Variants in MED13L observed in about 807,000 individuals in gnomAD.
MED13L encodes the protein mediator complex subunit 13L.
A neutral mutation model predicts 220.9 loss-of-function variants in MED13L; 7 were observed. That is an observed-to-expected ratio of 0.03 (90% CI 0.02 to 0.06). The LOEUF (loss-of-function observed/expected upper bound fraction) is 0.06, where lower values mean the gene tolerates loss of function less well. Ranked by LOEUF, MED13L falls within the 10% of genes least tolerant of loss-of-function variation. The pLI is 1.00. For synonymous variants in MED13L, 1,011 were observed against 1,015.2 expected, an observed-to-expected ratio of 1.00 and a Z score of 0.08; for missense variants, 1,965 against 2,760.5, an observed-to-expected ratio of 0.71 and a Z score of 6.46.
chr12:115,989,188 G>C (rs1877895639), intron 17 of MED13L, among the ~76,000 whole-genome samples: 1 of 152,164 alleles, frequency 6.6e-6, no homozygotes, highest in South Asian at 2.1e-4. Context: ...GAGTTGTTCA[G>C]AAGCCGGGTT....
intron 2 of MED13L, among the ~76,000 whole-genome samples, chr12:116,218,023 GTTGAA>G (rs1274271188): frequency 6.6e-6 from 1 of 152,094 alleles, no homozygotes; most frequent in Non-Finnish European, 1.5e-5. Context: ...ACACAAGCTC[GTTGAA>G]TTGAATTATA....
At chr12:116,078,608 C>T (rs887986309) in intron 4 of MED13L, among the ~76,000 whole-genome samples, 1 of 152,134 alleles carries the variant, frequency 6.6e-6, no homozygotes, top group African/African-American at 2.4e-5. Context: ...GTAAATAAAG[C>T]TTTATTGGAA....
At chr12:116,180,345 C>A (rs1880432440) in intron 2 of MED13L, among the ~76,000 whole-genome samples, 1 of 152,144 alleles carries the variant, frequency 6.6e-6, no homozygotes, top group African/African-American at 2.4e-5. Context: ...CCACATTTGA[C>A]CTCCTATGAC....
chr12:115,995,700 G>A (rs1379230000), intron 16 of MED13L, among the ~76,000 whole-genome samples: 2 of 152,104 alleles, frequency 1.3e-5, no homozygotes, highest in African/African-American at 2.4e-5. Context: ...TTGGGATTAC[G>A]GTTTGAGCCA....
intron 2 of MED13L, among the ~76,000 whole-genome samples, chr12:116,165,768 A>G (rs1219298688): frequency 6.6e-6 from 1 of 152,112 alleles, no homozygotes; most frequent in Non-Finnish European, 1.5e-5. Flanking sequence ...AATATGTAAC[A>G]TGGATTCTCC....
At chr12:115,963,142 T>C (rs559212146) in intron 30 of MED13L, among the ~76,000 whole-genome samples, 2 of 152,322 alleles carry the variant, frequency 1.3e-5, no homozygotes, top group African/African-American at 4.8e-5. Flanking sequence ...CTGACCTCTC[T>C]TCATCACCAT....
chr12:116,084,590 G>A (rs1373936438), intron 4 of MED13L, among the ~76,000 whole-genome samples: 6 of 152,134 alleles, frequency 3.9e-5, no homozygotes, highest in East Asian at 3.9e-4. Context: ...ATTTGAAAGA[G>A]GTGAACTATT....
At chr12:116,175,151 G>C (rs978841051) in intron 2 of MED13L, among the ~76,000 whole-genome samples, 5 of 152,062 alleles carry the variant, frequency 3.3e-5, no homozygotes, top group Non-Finnish European at 5.9e-5. Context: ...AAAAAAAAGA[G>C]TATTAAGACT....
chr12:116,116,331 A>T (rs937996850), intron 2 of MED13L, among the ~76,000 whole-genome samples: 2 of 152,100 alleles, frequency 1.3e-5, no homozygotes. Context: ...AACCTACATG[A>T]TTATATAACG....
chr12:115,980,666 G>A, intron 23 of MED13L, 84 bp downstream of exon 23: 1 of 1,438,488 alleles, frequency 7.0e-7, no homozygotes, highest in Non-Finnish European at 9.7e-7. Flanking sequence ...TAAGCAACCA[G>A]CCAATCTCTG....
chr12:115,982,730 A>G (rs761315755), intron 21 of MED13L, 127 bp from the exon 22 acceptor site: 1 of 915,524 alleles, frequency 1.1e-6, no homozygotes, highest in Non-Finnish European at 1.7e-6. Flanking sequence ...AGGTAAGAGT[A>G]ACATTTATCA....
chr12:116,029,673 C>T (rs1281200629), intron 4 of MED13L, among the ~76,000 whole-genome samples: 1 of 151,956 alleles, frequency 6.6e-6, no homozygotes, highest in Non-Finnish European at 1.5e-5. Context: ...AAGAGAAACT[C>T]AAGAAGAAAA....
intron 5 of MED13L, among the ~76,000 whole-genome samples, chr12:116,021,080 T>C (rs772598977): frequency 6.6e-6 from 1 of 152,174 alleles, no homozygotes; most frequent in Non-Finnish European, 1.5e-5. Context: ...TCAATTTGGA[T>C]AATTATGATG....
intron 4 of MED13L, among the ~76,000 whole-genome samples, chr12:116,041,789 C>T (rs1400337487): frequency 3.3e-5 from 5 of 152,182 alleles, no homozygotes; most frequent in Admixed American, 6.5e-5. Flanking sequence ...GAGCCAAGAT[C>T]GTGCCACTGC....
At chr12:115,988,630 T>C (rs369210835) in intron 17 of MED13L, among the ~76,000 whole-genome samples, 6 of 152,228 alleles carry the variant, frequency 3.9e-5, no homozygotes, top group African/African-American at 1.4e-4. Context: ...ACCCTATTCC[T>C]GTGCCTGCAA....
intron 2 of MED13L, among the ~76,000 whole-genome samples, chr12:116,211,996 A>G (rs1008983344): frequency 1.3e-5 from 2 of 152,238 alleles, no homozygotes; most frequent in African/African-American, 4.8e-5. Flanking sequence ...AAACATTTTG[A>G]AAGTTATTAA....
chr12:116,192,665 A>C (rs1881357678), intron 2 of MED13L, among the ~76,000 whole-genome samples: 1 of 152,192 alleles, frequency 6.6e-6, no homozygotes, highest in Non-Finnish European at 1.5e-5. Context: ...TTTCCAGGAC[A>C]ATAACAAGAA....
intron 2 of MED13L, among the ~76,000 whole-genome samples, chr12:116,157,905 G>A (rs535012704): frequency 6.6e-6 from 1 of 152,198 alleles, no homozygotes; most frequent in African/African-American, 2.4e-5. Flanking sequence ...CCTTGCACCA[G>A]CAACAGTAGG....
chr12:116,153,722 T>C (rs1247025520), intron 2 of MED13L, among the ~76,000 whole-genome samples: 1 of 152,182 alleles, frequency 6.6e-6, no homozygotes, highest in Non-Finnish European at 1.5e-5. Flanking sequence ...CCATTCCCCC[T>C]TACTGCAGGA....
Sources: allele counts gnomAD v4.1 joint callset (sites outside exome capture counted in the v4.1 genomes callset), GRCh38; gene constraint gnomAD v4.1.1; transcripts MANE v1.5; gene names NCBI Gene and HGNC (gene_info 2026-07-23, HGNC 2026-07-21).